Variants in DDX1 observed in about 807,000 individuals in gnomAD.
The protein encoded by DDX1 is DEAD-box helicase 1.
In DDX1, 28 loss-of-function variants were observed where a neutral mutation model predicts 108.7. That is an observed-to-expected ratio of 0.26 (90% CI 0.19 to 0.35). The LOEUF (loss-of-function observed/expected upper bound fraction) is 0.35, where lower values mean the gene tolerates loss of function less well. DDX1 is among the 10% of genes least tolerant of loss of function. DDX1 has a pLI of 1.00. For synonymous variants in DDX1, 295 were observed against 288.9 expected (o/e 1.02, Z -0.21); for missense variants, 710 against 884.5 (o/e 0.80, Z 2.50).
At chr2:15,595,254 G>A in intron 2 of DDX1, 58 bp downstream of exon 2, 1 of 1,373,656 alleles carries the variant, frequency 7.3e-7, no homozygotes, top group Non-Finnish European at 1.0e-6. Context: ...TTAAACAGTT[G>A]TTAGTGATTT....
rs1243014603 is a variant in DDX1, at chr2:15,628,776, AGGCTTTTAAC to A, written c.1833-20_1833-11del. The A allele has an allele frequency of 6.2e-7, 1 of 1,613,778 alleles. No homozygotes were observed. Among genetic ancestry groups the A allele is most frequent in the Admixed American group, 1.7e-5 (1 of 60,002 alleles). ...TGCTTTAGGAATAAAGTCTAATAGA[AGGCTTTTAAC>A]CATCTTTCAGGATGGGTCTGGCAAT... On this transcript the variant is annotated splice_polypyrimidine_tract_variant and intron_variant, in intron 22 of 25. Transcript: ENST00000233084.
At chr2:15,612,750 A>G (rs1273234726) in intron 13 of DDX1, among the ~76,000 whole-genome samples, 1 of 152,248 alleles carries the variant, frequency 6.6e-6, no homozygotes, top group Non-Finnish European at 1.5e-5. Flanking sequence ...TCCGTCTGCA[A>G]TCCCGGCACC....
At chr2:15,629,730 A>G (rs1666161748) in intron 24 of DDX1, 33 bp downstream of exon 24, 1 of 1,443,970 alleles carries the variant, frequency 6.9e-7, no homozygotes, top group African/African-American at 1.5e-5. Flanking sequence ...CAAATAATGT[A>G]TTAAAATGGT....
intron 18 of DDX1, among the ~76,000 whole-genome samples, chr2:15,622,533 G>A (rs945060146): frequency 6.6e-6 from 1 of 152,200 alleles, no homozygotes; most frequent in Non-Finnish European, 1.5e-5. Flanking sequence ...ATTCATTGGT[G>A]AGGGTCGGAC....
In DDX1 at chr2:15,630,789, A is replaced by T. The variant is rs116312370; in HGVS notation, c.2106A>T (p.Lys702Asn). Residue 702 changes from lysine to asparagine, a missense_variant, in exon 26 of 26, where the codon AAA becomes AAT. Transcript: ENST00000233084. ...TGTGTGATGCAGGTGGAAGCTATAA[A>T]GGCCATGTGGATATTTTGGCACCTA... ...QKRAAGGGSY[K>N]GHVDILAPTV... 3.6e-4 allele frequency: 587 copies of T among 1,613,544 alleles called. 6 individuals are homozygous for T. The African/African-American group carries it at 7.4e-3, about 20-fold the overall frequency.
At chr2:15,611,840 C>T (rs71355634) in intron 13 of DDX1, among the ~76,000 whole-genome samples, 1 of 99,898 alleles carries the variant, frequency 1.0e-5, no homozygotes, top group African/African-American at 4.9e-5. Flanking sequence ...CAGAGGGGCT[C>T]CTCACTTCCC....
intron 1 of DDX1, among the ~76,000 whole-genome samples, chr2:15,594,533 A>G (rs1296364515): frequency 2.6e-5 from 4 of 152,218 alleles, no homozygotes; most frequent in Non-Finnish European, 4.4e-5. Context: ...GTATACAGTT[A>G]AGAACTCAGC....
At chr2:15,598,147 C>T (rs1356819746) in intron 5 of DDX1, among the ~76,000 whole-genome samples, 2 of 152,068 alleles carry the variant, frequency 1.3e-5, no homozygotes, top group East Asian at 1.9e-4. Flanking sequence ...TTAAGTCACT[C>T]TTGTTTCATT....
intron 5 of DDX1, 85 bp downstream of exon 5, chr2:15,597,556 A>G: frequency 2.2e-6 from 2 of 910,582 alleles, no homozygotes; most frequent in East Asian, 2.6e-5. Context: ...TTGGGTATGC[A>G]TTTTTAAAAT....
chr2:15,611,754 C>G (rs866449777), intron 13 of DDX1, among the ~76,000 whole-genome samples: 4 of 79,922 alleles, frequency 5.0e-5, no homozygotes, highest in African/African-American at 2.8e-4. Flanking sequence ...CCCCCCACCT[C>G]CCTCCCGGAC....
At chr2:15,629,509 A>G in intron 23 of DDX1, 93 bp from the exon 24 acceptor site, 1 of 841,568 alleles carries the variant, frequency 1.2e-6, no homozygotes, top group Non-Finnish European at 1.9e-6. Context: ...TAGTGCCTTG[A>G]GGACAGAAAA....
Position 15,629,995 on chromosome 2 carries a change from A to G in DDX1, c.1977A>G (p.Leu659=), listed in dbSNP as rs746575482. The change falls in exon 25 of 26, where the codon CTA becomes CTG. Residue 659 remains leucine, a synonymous_variant. Coordinates refer to ENST00000233084, the MANE Select transcript of DDX1 (RefSeq NM_004939.3). ...CTIWYNEMQL[L]SEIEEHLNCT... The stretch of plus-strand genomic sequence containing the variant: ...ATTTTCTCTCCATTACTTAGTTACT[A>G]TCTGAGATAGAAGAACACCTGAACT... The G allele has an allele frequency of 1.8e-5, 29 of 1,599,920 alleles. No homozygotes were observed. The highest frequency in any genetic ancestry group is 2.2e-5 in the East Asian group (1 of 44,670).
chr2:15,611,631 G>A (rs1665762642), intron 13 of DDX1, among the ~76,000 whole-genome samples: 1 of 110,238 alleles, frequency 9.1e-6, no homozygotes, highest in African/African-American at 4.9e-5. Flanking sequence ...TTCCCAGTAG[G>A]GGTGGCCGGG....
chr2:15,621,345 C>CA (rs1666003390), intron 18 of DDX1: 1 of 445,622 alleles, frequency 2.2e-6, no homozygotes, highest in South Asian at 2.8e-5. Context: ...ATGTTCTTGT[C>CA]ACCCAAGCTG....
intron 13 of DDX1, among the ~76,000 whole-genome samples, chr2:15,611,490 C>G (rs1402608556): frequency 5.7e-5 from 8 of 141,192 alleles, no homozygotes; most frequent in African/African-American, 2.2e-4. Flanking sequence ...ACCTCCCGGA[C>G]GGGGCGGCTG....
At chr2:15,610,664 A>G (rs142285593) in intron 13 of DDX1, among the ~76,000 whole-genome samples, 292 of 152,342 alleles carry the variant, frequency 1.9e-3, no homozygotes, top group African/African-American at 6.9e-3. Flanking sequence ...TATACATACA[A>G]GTATATATGT....
chr2:15,619,793 A>G (rs571896981), intron 16 of DDX1, among the ~76,000 whole-genome samples: 1 of 152,312 alleles, frequency 6.6e-6, no homozygotes, highest in Non-Finnish European at 1.5e-5. Flanking sequence ...TGTATTCCAG[A>G]TTATTAGTAC....
intron 20 of DDX1, 148 bp from the exon 21 acceptor site, chr2:15,628,297 G>T (rs1193229150): frequency 1.5e-5 from 9 of 590,916 alleles, no homozygotes; most frequent in Non-Finnish European, 2.7e-5. Context: ...TTCAAGACTT[G>T]GTCCAGTAAA....
chr2:15,597,857 T>C (rs1454420119), intron 5 of DDX1, among the ~76,000 whole-genome samples: 4 of 152,166 alleles, frequency 2.6e-5, no homozygotes, highest in South Asian at 2.1e-4. Context: ...GTGGGAAGTA[T>C]TGCCTTACAG....
Sources: allele counts gnomAD v4.1 joint callset (sites outside exome capture counted in the v4.1 genomes callset), GRCh38; gene constraint gnomAD v4.1.1; transcripts MANE v1.5; gene names NCBI Gene and HGNC (gene_info 2026-07-23, HGNC 2026-07-21).